RPS19BP1: variants seen among roughly 807,000 people sequenced by gnomAD.
The protein encoded by RPS19BP1 is active regulator of SIRT1.
A neutral mutation model predicts 16.6 loss-of-function variants in RPS19BP1; 14 were observed. The observed-to-expected ratio is 0.84, with a 90% CI of 0.56 to 1.32. The LOEUF is 1.32. Ranked by LOEUF, RPS19BP1 falls within the 40% of genes most tolerant of loss-of-function variation. RPS19BP1 has a pLI of 0.00. For missense variants in RPS19BP1, 188 were observed against 178.6 expected, an observed-to-expected ratio of 1.05 and a Z score of -0.30; for synonymous variants, 90 against 77.3, an observed-to-expected ratio of 1.16 and a Z score of -0.86.
At chr22:39,529,791 G>C in intron 3 of RPS19BP1, 29 bp downstream of exon 3, 2 of 1,608,350 alleles carry the variant, frequency 1.2e-6, no homozygotes, top group Non-Finnish European at 8.5e-7. Flanking sequence ...TCACCTCCCA[G>C]GTCCCTTCCT....
chr22:39,530,128 C>G, intron 2 of RPS19BP1: 1 of 589,232 alleles, frequency 1.7e-6, no homozygotes, highest in Non-Finnish European at 3.0e-6. Flanking sequence ...ACAATTATGT[C>G]CTGAATACTA....
chr22:39,529,759 C>T, intron 3 of RPS19BP1, 61 bp downstream of exon 3: 1 of 1,598,810 alleles, frequency 6.3e-7, no homozygotes, highest in Non-Finnish European at 8.6e-7. Context: ...GCCATGGGTC[C>T]CTAGGGGAAC....
At chr22:39,530,842 G>T (rs1931292573) in intron 2 of RPS19BP1, 1 of 152,766 alleles carries the variant, frequency 6.5e-6, no homozygotes, top group African/African-American at 2.4e-5. Flanking sequence ...GCCCTTGTCA[G>T]GCACCCTAAG....
intron 2 of RPS19BP1, chr22:39,530,774 G>A (rs1246831744): frequency 6.4e-6 from 1 of 155,210 alleles, no homozygotes; most frequent in Non-Finnish European, 1.4e-5. Context: ...AGCTGGAGTA[G>A]GGGGAGTGGG....
rs1569030814 is a variant in RPS19BP1 at position 39,532,677 on chromosome 22, CCCTCCT to C, written c.52+4_52+9del. ...CCCGCGCCGGACGTCCCCTGGCCAG[CCCTCCT>C]CACCCTCGGACGCCGCCAGCAGCTC... On this transcript the variant is annotated splice_donor_5th_base_variant and intron_variant, in intron 1 of 3. Transcript: ENST00000334678. The C allele has an allele frequency of 6.5e-7, 1 of 1,549,238 alleles. No homozygotes were observed. Among genetic ancestry groups the C allele is most frequent in the Admixed American group, 1.9e-5 (1 of 51,640 alleles).
At chr22:39,532,234 G>C (rs1931329866) in intron 2 of RPS19BP1, 161 bp downstream of exon 2, 7 of 938,766 alleles carry the variant, frequency 7.5e-6, no homozygotes, top group Non-Finnish European at 4.8e-6. Context: ...ACGGTGGCGT[G>C]TTCTGTCACC....
rs375377874 is a variant in RPS19BP1, at chr22:39,529,908, C to T, written c.191G>A (p.Arg64Gln). The T allele has an allele frequency of 3.5e-5, 56 of 1,614,020 alleles. No individual in the cohort carries two copies. Among genetic ancestry groups the T allele is most frequent in the East Asian group, 6.7e-5 (3 of 44,884 alleles). The change falls in exon 3 of 4, where the codon CGG (arginine) becomes CAG (glutamine). Residue 64 changes from arginine to glutamine, a missense_variant. Coordinates refer to ENST00000334678, the MANE Select transcript of RPS19BP1 (RefSeq NM_194326.4). Reference sequence around the variant, plus strand: ...GAGGTGGTCTCGACACTCTCGCTTCCGGTACTCGTCTGTGGGTAGCAGGCA... The same window carrying T: ...GAGGTGGTCTCGACACTCTCGCTTCTGGTACTCGTCTGTGGGTAGCAGGCA... ...KVPKSALDEY[R>Q]KRECRDHLRV...
intron 2 of RPS19BP1, chr22:39,530,799 C>A (rs1931290652): frequency 6.5e-6 from 1 of 153,344 alleles, no homozygotes; most frequent in Non-Finnish European, 1.5e-5. Context: ...AGGAAGAGAC[C>A]AAGTTTGGCT....
chr22:39,532,307 C>T, intron 2 of RPS19BP1, 88 bp downstream of exon 2: 3 of 1,582,746 alleles, frequency 1.9e-6, no homozygotes, highest in Non-Finnish European at 1.7e-6. Flanking sequence ...ACCGGGCGAA[C>T]GCTTCAAGCC....
intron 3 of RPS19BP1, 29 bp downstream of exon 3, chr22:39,529,791 G>T: frequency 6.2e-7 from 1 of 1,608,348 alleles, no homozygotes; most frequent in Non-Finnish European, 8.5e-7. Context: ...TCACCTCCCA[G>T]GTCCCTTCCT....
rs560203199 is a variant in RPS19BP1, at chr22:39,529,418, G to C, written c.*74C>G. 6.3e-7 allele frequency: 1 copy of C among 1,578,070 alleles called. No homozygotes were observed. The highest frequency in any genetic ancestry group is 8.6e-7 in the Non-Finnish European group (1 of 1,161,626). On this transcript the variant is annotated 3_prime_UTR_variant, in exon 4 of 4. Transcript: ENST00000334678. Reference sequence around the variant, plus strand: ...TCGCCATCTGCTGGCCGCGCGGCACGGCCGGTTCCTGGAGCCAGCAGGAGT... The same window carrying C: ...TCGCCATCTGCTGGCCGCGCGGCACCGCCGGTTCCTGGAGCCAGCAGGAGT...
chr22:39,532,230 G>T, intron 2 of RPS19BP1, 165 bp downstream of exon 2: 1 of 870,842 alleles, frequency 1.1e-6, no homozygotes, highest in Non-Finnish European at 1.8e-6. Flanking sequence ...CAGGACGGTG[G>T]CGTGTTCTGT....
chr22:39,530,419 G>C (rs929905405), intron 2 of RPS19BP1: 2 of 224,458 alleles, frequency 8.9e-6, no homozygotes, highest in African/African-American at 4.8e-5. Context: ...AAATGTGTTT[G>C]AAAAACACAA....
At position 39,529,928 on chromosome 22, in the gene RPS19BP1, C is replaced by T; in HGVS notation, c.182-11G>A. ...GCTTCCGGTACTCGTCTGTGGGTAG[C>T]AGGCAGGGAGCACCATTTCAGATTC... On this transcript the variant is annotated splice_polypyrimidine_tract_variant and intron_variant, in intron 2 of 3. Transcript: ENST00000334678. 6.2e-7 allele frequency: 1 copy of T among 1,609,570 alleles called. No individual in the cohort carries two copies. The highest frequency in any genetic ancestry group is 8.5e-7 in the Non-Finnish European group (1 of 1,175,902).
In RPS19BP1 at chr22:39,529,629, G is replaced by A. The variant is rs1569029711; in HGVS notation, c.280-6C>T. 1 of 1,613,674 alleles carries A rather than the reference G, an allele frequency of 6.2e-7. No individual in the cohort carries two copies. Among genetic ancestry groups the A allele is most frequent in the Non-Finnish European group, 8.5e-7 (1 of 1,180,000 alleles). ...CCCCGGTTCTGGCGCAAAATCTGGCGAGGGTGCGGGACCGAGGGCCCATCA... is the reference window on the plus strand; with the variant it reads ...CCCCGGTTCTGGCGCAAAATCTGGCAAGGGTGCGGGACCGAGGGCCCATCA... On this transcript the variant is annotated splice_region_variant and splice_polypyrimidine_tract_variant and intron_variant, in intron 3 of 3. Coordinates refer to ENST00000334678, the MANE Select transcript of RPS19BP1 (RefSeq NM_194326.4).
chr22:39,532,550 C>G (rs1283184736), intron 1 of RPS19BP1, 27 bp from the exon 2 acceptor site: 1 of 1,613,022 alleles, frequency 6.2e-7, no homozygotes, highest in East Asian at 2.2e-5. Context: ...AGGAAGAGAC[C>G]CAGGTCAGAG....
rs1394059406 is a variant in RPS19BP1 at position 39,532,399 on chromosome 22, T to G, written c.177A>C (p.Ala59=). The G allele has an allele frequency of 6.2e-7, 1 of 1,614,228 alleles. No homozygotes were observed. Among genetic ancestry groups the G allele is most frequent in the Non-Finnish European group, 8.5e-7 (1 of 1,180,044 alleles). Residue 59 remains alanine, a synonymous_variant, in exon 2 of 4, where the codon GCA becomes GCC. Transcript: ENST00000334678. ...NSAKGKVPKS[A]LDEYRKRECR... is the part of the protein sequence containing the mutation. Reference sequence around the variant, plus strand: ...TCAGCCCCTTCCCGAACTTACCCAGTGCCGACTTGGGCACCTTTCCCTTGG... The same window carrying G: ...TCAGCCCCTTCCCGAACTTACCCAGGGCCGACTTGGGCACCTTTCCCTTGG...
chr22:39,529,690 G>T, intron 3 of RPS19BP1, 67 bp from the exon 4 acceptor site: 1 of 1,604,820 alleles, frequency 6.2e-7, no homozygotes, highest in East Asian at 2.2e-5. Flanking sequence ...AGGTCACAGG[G>T]GAGTTCGGCG....
Position 39,532,515 on chromosome 22 carries a change from C to G in RPS19BP1, c.61G>C (p.Asp21His). 6.2e-7 allele frequency: 1 copy of G among 1,614,040 alleles called. No homozygotes were observed. The highest frequency in any genetic ancestry group is 8.5e-7 in the Non-Finnish European group (1 of 1,179,998). ...ELLAASEAPRDPPGQAKPRGA... is the reference protein window; with the variant it reads ...ELLAASEAPRHPPGQAKPRGA... ...CTCGGCTTGGCCTGACCTGGAGGGT[C>G]CCGGGGGGCTGTAGGGGAAGAGAGA... Residue 21 changes from aspartate to histidine, a missense_variant, in exon 2 of 4, where the codon GAC becomes CAC. Asp to His is a moderately conservative substitution (Grantham distance 81). Coordinates refer to ENST00000334678, the MANE Select transcript of RPS19BP1 (RefSeq NM_194326.4).
Sources: allele counts gnomAD v4.1 joint callset, GRCh38; gene constraint gnomAD v4.1.1; transcripts MANE v1.5; gene names NCBI Gene and HGNC (gene_info 2026-07-23, HGNC 2026-07-21).